The following NOX4 variants were observed in gnomAD, a reference collection of about 807,000 sequenced individuals.
NOX4 encodes the protein NADPH oxidase 4.
NOX4 carries 69 observed loss-of-function variants against 87.6 expected under a neutral mutation model. That is an observed-to-expected ratio of 0.79 (90% CI 0.65 to 0.96). The LOEUF (loss-of-function observed/expected upper bound fraction) is 0.96, where lower values mean the gene tolerates loss of function less well. NOX4 is among the 40% of genes least tolerant of loss of function. The pLI is 0.00. For missense variants in NOX4, 680 were observed against 681.5 expected, an observed-to-expected ratio of 1.00 and a Z score of 0.02; for synonymous variants, 275 against 238.2, an observed-to-expected ratio of 1.15 and a Z score of -1.42.
At chr11:89,555,539 T>A in the NOX4 span, among the ~76,000 whole-genome samples, 217 of 152,290 alleles carry the variant, frequency 1.4e-3, 1 homozygote, top group African/African-American at 5.1e-3. Flanking sequence ...CTGTTATTAA[T>A]TTATCCTCTT....
At chr11:89,458,159 T>C (rs557724230) in intron 2 of NOX4, among the ~76,000 whole-genome samples, 8 of 152,298 alleles carry the variant, frequency 5.3e-5, no homozygotes, top group African/African-American at 1.9e-4. Context: ...CTTCGAATTA[T>C]ACTACAAGAC....
chr11:89,568,083 T>C, the NOX4 span, among the ~76,000 whole-genome samples: 2 of 152,284 alleles, frequency 1.3e-5, no homozygotes, highest in Admixed American at 1.3e-4. Flanking sequence ...AACGAAGTTA[T>C]GGGCCTGGAC....
At chr11:89,514,928 A>G in the NOX4 span, among the ~76,000 whole-genome samples, 1 of 151,978 alleles carries the variant, frequency 6.6e-6, no homozygotes. Flanking sequence ...ATGCTCCTGC[A>G]TATATCAATA....
At chr11:89,434,626 A>C (rs1943986670) in intron 6 of NOX4, among the ~76,000 whole-genome samples, 1 of 152,094 alleles carries the variant, frequency 6.6e-6, no homozygotes, top group Non-Finnish European at 1.5e-5. Context: ...CAAAAGAAAC[A>C]AACATATATC....
At chr11:89,552,810 G>A in the NOX4 span, among the ~76,000 whole-genome samples, 952 of 145,310 alleles carry the variant, frequency 6.6e-3, 10 homozygotes, top group African/African-American at 0.024. Flanking sequence ...GAGACTGTAG[G>A]ACAAACTTTA....
At chr11:89,378,066 C>T (rs1001519341) in intron 11 of NOX4, among the ~76,000 whole-genome samples, 1 of 152,174 alleles carries the variant, frequency 6.6e-6, no homozygotes, top group African/African-American at 2.4e-5. Flanking sequence ...TTCTTTCCAA[C>T]AGGCTTCCCA....
the NOX4 span, among the ~76,000 whole-genome samples, chr11:89,567,134 C>T: frequency 8.5e-4 from 129 of 152,322 alleles, 2 homozygotes; most frequent in Middle Eastern, 0.01. Flanking sequence ...CCAGTCTGAT[C>T]TGAACACACC....
chr11:89,405,146 T>C (rs1942099930), intron 8 of NOX4, among the ~76,000 whole-genome samples: 1 of 140,070 alleles, frequency 7.1e-6, no homozygotes, highest in South Asian at 2.4e-4. Flanking sequence ...TTTAGGGTCT[T>C]AATACCAGGC....
chr11:89,426,515 C>T (rs1336418885), intron 7 of NOX4, among the ~76,000 whole-genome samples: 2 of 152,132 alleles, frequency 1.3e-5, no homozygotes, highest in African/African-American at 4.8e-5. Context: ...AATTGGGTCA[C>T]TCCTACCCTA....
the NOX4 span, among the ~76,000 whole-genome samples, chr11:89,519,935 C>T: frequency 6.6e-6 from 1 of 151,998 alleles, no homozygotes; most frequent in Non-Finnish European, 1.5e-5. Context: ...GCATCATTCT[C>T]TCTCTCTCTT....
At chr11:89,536,216 G>A in the NOX4 span, among the ~76,000 whole-genome samples, 4 of 138,940 alleles carry the variant, frequency 2.9e-5, no homozygotes, top group Non-Finnish European at 4.5e-5. Flanking sequence ...GCGCGATCTC[G>A]GCTCACTGCA....
At chr11:89,422,135 A>T (rs546260607) in intron 7 of NOX4, among the ~76,000 whole-genome samples, 153 bp from the exon 8 acceptor site, 1 of 152,166 alleles carries the variant, frequency 6.6e-6, no homozygotes, top group South Asian at 2.1e-4. Context: ...AAGTATTAAC[A>T]CAGTATATAG....
At chr11:89,443,995 A>T (rs1372002733) in intron 5 of NOX4, 140 bp downstream of exon 5, 1 of 663,294 alleles carries the variant, frequency 1.5e-6, no homozygotes, top group Non-Finnish European at 2.7e-6. Flanking sequence ...ACTGAAAAGG[A>T]ATAAAGCTCA....
chr11:89,569,958 T>C, the NOX4 span, among the ~76,000 whole-genome samples: 2 of 146,456 alleles, frequency 1.4e-5, no homozygotes, highest in Admixed American at 7.0e-5. Flanking sequence ...GCCAAGATCA[T>C]GCCACTGCAC....
the NOX4 span, among the ~76,000 whole-genome samples, chr11:89,562,234 A>G: frequency 6.6e-6 from 1 of 152,204 alleles, no homozygotes; most frequent in Non-Finnish European, 1.5e-5. Flanking sequence ...ATGTAAGTTC[A>G]CATGAGATAT....
At chr11:89,399,758 C>T (rs192113038) in intron 11 of NOX4, among the ~76,000 whole-genome samples, 118 of 151,734 alleles carry the variant, frequency 7.8e-4, no homozygotes, top group Middle Eastern at 3.4e-3. Context: ...AGTCACTGTG[C>T]TTGGCCTATA....
rs190467977 is a variant in NOX4 at position 89,421,330 on chromosome 11, C to T, written c.629+572G>A. On this transcript the variant is annotated intron_variant, in intron 8 of 17. Coordinates refer to ENST00000263317, the MANE Select transcript of NOX4 (RefSeq NM_016931.5). ...AAGCACCATGTTTTTGAGTATACTG[C>T]TTGGGTACACATATTTTTGGAATAC... Among the ~76,000 whole-genome samples the T allele has an allele frequency of 3.1e-3, 473 of 152,190 alleles. 2 individuals are homozygous for T. The highest frequency in any genetic ancestry group is 0.011 in the African/African-American group (451 of 41,530).
intron 8 of NOX4, among the ~76,000 whole-genome samples, chr11:89,405,745 T>TAAAAAA (rs199918408): frequency 9.0e-6 from 1 of 110,548 alleles, no homozygotes. Context: ...ACCTACTGGT[T>TAAAAAA]AAAAAAGAAA....
At chr11:89,397,751 C>T (rs1024122849) in intron 11 of NOX4, among the ~76,000 whole-genome samples, 10 of 151,996 alleles carry the variant, frequency 6.6e-5, no homozygotes, top group Admixed American at 2.0e-4. Flanking sequence ...TACACCCTCC[C>T]GAGACTAAAC....
Sources: gnomAD v4.1 joint callset for allele counts (sites outside exome capture counted in the v4.1 genomes callset) on GRCh38, gnomAD v4.1.1 for gene constraint, MANE v1.5 for transcripts, NCBI Gene and HGNC (gene_info 2026-07-23, HGNC 2026-07-21) for gene names.